EPHA5: variants seen among roughly 807,000 people sequenced by gnomAD.
The protein encoded by EPHA5 is ephrin type-A receptor 5.
EPHA5 carries 60 observed loss-of-function variants against 105.0 expected under a neutral mutation model. The observed-to-expected ratio is 0.57, with a 90% CI of 0.46 to 0.71. The LOEUF (loss-of-function observed/expected upper bound fraction) is 0.71. EPHA5 is among the 30% of genes least tolerant of loss of function. The pLI is 0.00. For missense variants in EPHA5, 1,218 were observed against 1,274.7 expected (o/e 0.96, Z 0.68); for synonymous variants, 513 against 449.1 (o/e 1.14, Z -1.80).
At chr4:65,440,233 A>G (rs961951095) in intron 5 of EPHA5, among the ~76,000 whole-genome samples, 2 of 152,052 alleles carry the variant, frequency 1.3e-5, no homozygotes, top group African/African-American at 4.8e-5. Context: ...AAATATTTAA[A>G]TAGATGTTAT....
chr4:65,419,375 T>TTTGTA (rs1428512803), intron 6 of EPHA5, among the ~76,000 whole-genome samples: 1 of 152,140 alleles, frequency 6.6e-6, no homozygotes, highest in Non-Finnish European at 1.5e-5. Context: ...CTACCATCCC[T>TTTGTA]TTTACTCTTC....
intron 3 of EPHA5, among the ~76,000 whole-genome samples, chr4:65,600,102 A>C: frequency 6.6e-6 from 1 of 152,180 alleles, no homozygotes; most frequent in East Asian, 1.9e-4. Context: ...ATAATTAATA[A>C]GATTTATATT....
chr4:65,358,780 C>T (rs989342872), intron 11 of EPHA5, among the ~76,000 whole-genome samples: 4 of 151,476 alleles, frequency 2.6e-5, no homozygotes, highest in Non-Finnish European at 4.4e-5. Context: ...AAATCAAAAG[C>T]TTGTATACCT....
At chr4:65,363,939 ATT>A in intron 11 of EPHA5, among the ~76,000 whole-genome samples, 1 of 151,524 alleles carries the variant, frequency 6.6e-6, no homozygotes. Context: ...ATTATAAAAT[ATT>A]TTTGTTTTAT....
chr4:65,505,924 T>C (rs887844746), intron 3 of EPHA5, among the ~76,000 whole-genome samples: 5 of 152,152 alleles, frequency 3.3e-5, no homozygotes, highest in South Asian at 2.1e-4. Flanking sequence ...TATGTATACA[T>C]GTGCCATGTT....
chr4:65,418,694 T>A (rs191695267), intron 6 of EPHA5, among the ~76,000 whole-genome samples: 92 of 152,108 alleles, frequency 6.0e-4, no homozygotes, highest in African/African-American at 2.0e-3. Context: ...TGTAGAAACA[T>A]TAAAAACCTG....
chr4:65,392,801 C>A (rs948559504), intron 8 of EPHA5, among the ~76,000 whole-genome samples: 2 of 152,004 alleles, frequency 1.3e-5, no homozygotes, highest in East Asian at 3.9e-4. Context: ...GAAAAATGGA[C>A]AAACCACTTC....
chr4:65,538,254 C>T (rs4860681), intron 3 of EPHA5, among the ~76,000 whole-genome samples: 36,783 of 151,596 alleles, frequency 0.24, 4,588 homozygotes, highest in African/African-American at 0.28. Context: ...ACTTTTGTCA[C>T]TTGTTAATAT....
rs181547140 is a variant in EPHA5 at position 65,344,472 on chromosome 4, G to T, written c.2595+3582C>A. ...AGGCATCATTCCTTATAACGTGGAT[G>T]ATCTGCTGCACAGCTGGGAAAAACT... On this transcript the variant is annotated intron_variant, in intron 14 of 16. Coordinates refer to ENST00000613740, the MANE Select transcript of EPHA5 (RefSeq NM_001281766.3). Among the ~76,000 whole-genome samples the T allele has an allele frequency of 2.6e-5, 4 of 152,264 alleles. No homozygotes were observed. In the East Asian group the frequency reaches 7.7e-4, roughly 29 times the overall value.
At chr4:65,629,179 T>G (rs1746409635) in intron 2 of EPHA5, among the ~76,000 whole-genome samples, 1 of 137,692 alleles carries the variant, frequency 7.3e-6, no homozygotes, top group South Asian at 2.3e-4. Flanking sequence ...CTTCCTCTTT[T>G]GTTTCTATAC....
intron 8 of EPHA5, among the ~76,000 whole-genome samples, chr4:65,389,743 T>A (rs1412318859): frequency 1.3e-5 from 2 of 152,044 alleles, no homozygotes; most frequent in African/African-American, 4.8e-5. Flanking sequence ...CATTGAGAAC[T>A]ATTGGAGGTA....
chr4:65,472,106 T>C (rs1306173079), intron 5 of EPHA5, among the ~76,000 whole-genome samples: 2 of 152,200 alleles, frequency 1.3e-5, no homozygotes, highest in Non-Finnish European at 2.9e-5. Context: ...ATTGGATACA[T>C]GCTCTCATTC....
intron 5 of EPHA5, among the ~76,000 whole-genome samples, chr4:65,439,410 G>A (rs1004675117): frequency 2.2e-4 from 33 of 151,732 alleles, no homozygotes; most frequent in Non-Finnish European, 8.8e-5. Flanking sequence ...ATTTTGTTCC[G>A]CTGTTCCACA....
chr4:65,383,543 A>G (rs1029203838), intron 8 of EPHA5, among the ~76,000 whole-genome samples: 2 of 151,926 alleles, frequency 1.3e-5, no homozygotes, highest in Non-Finnish European at 2.9e-5. Context: ...AGAACATTAT[A>G]GGGAAAAAAA....
intron 3 of EPHA5, among the ~76,000 whole-genome samples, chr4:65,506,464 C>A (rs1264598659): frequency 6.9e-6 from 1 of 145,334 alleles, no homozygotes; most frequent in African/African-American, 2.5e-5. Flanking sequence ...ACAGTCCCAC[C>A]AACAGTGTAA....
chr4:65,319,579 G>A lies in EPHA5; in HGVS notation c.*4535C>T, dbSNP rs905118820. On this transcript the variant is annotated 3_prime_UTR_variant, in exon 17 of 17. Coordinates refer to ENST00000613740, the MANE Select transcript of EPHA5 (RefSeq NM_001281766.3). ...AATCAGATGTAACTGTATTCAAAGG[G>A]TTTTTATTTTCTGAAAAAATATAAA... 2 of 200,756 alleles carry A rather than the reference G, an allele frequency of 1.0e-5. No individual in the cohort carries two copies. The highest frequency in any genetic ancestry group is 2.1e-5 in the Non-Finnish European group (2 of 97,442). 12.4% of individuals were successfully genotyped at this position (200,756 alleles called of 1,614,324 possible).
intron 5 of EPHA5, among the ~76,000 whole-genome samples, chr4:65,486,515 A>G (rs922923900): frequency 1.3e-5 from 2 of 152,220 alleles, no homozygotes; most frequent in African/African-American, 4.8e-5. Context: ...TGTTGAGGCT[A>G]ATTATAAATT....
chr4:65,504,808 T>A (rs1732841922), intron 3 of EPHA5, among the ~76,000 whole-genome samples: 1 of 152,012 alleles, frequency 6.6e-6, no homozygotes, highest in African/African-American at 2.4e-5. Flanking sequence ...TAGGAACAAT[T>A]TGTATAATAT....
At position 65,320,630 on chromosome 4, in the gene EPHA5, G is replaced by A. The variant is rs763763246; in HGVS notation, c.*3484C>T. ...TGCTTCTGAGAACCCACTTTACATGGCATAAATAATGGTGTTAAAAATATT... is the reference window on the plus strand; with the variant it reads ...TGCTTCTGAGAACCCACTTTACATGACATAAATAATGGTGTTAAAAATATT... On this transcript the variant is annotated 3_prime_UTR_variant, in exon 17 of 17. Transcript: ENST00000613740. 52 of 229,260 alleles carry A rather than the reference G, an allele frequency of 2.3e-4. No homozygotes were observed. Among genetic ancestry groups the A allele is most frequent in the Non-Finnish European group, 3.8e-4 (44 of 115,598 alleles). The allele number at this position is 229,260 out of a possible 1,614,324, so 14.2% of individuals were successfully genotyped here.
Sources: allele counts gnomAD v4.1 joint callset (sites outside exome capture counted in the v4.1 genomes callset), GRCh38; gene constraint gnomAD v4.1.1; transcripts MANE v1.5; gene names NCBI Gene and HGNC (gene_info 2026-07-23, HGNC 2026-07-21).